The following RAB9B variants were observed in gnomAD, a reference collection of about 807,000 sequenced individuals.
RAB9B encodes ras-related protein Rab-9B.
In RAB9B, 1 loss-of-function variant was observed where a neutral mutation model predicts 8.9. The observed-to-expected ratio is 0.11, with a 90% CI of 0.04 to 0.53. The LOEUF (loss-of-function observed/expected upper bound fraction) is 0.53, where lower values mean the gene tolerates loss of function less well. Among genes scored for constraint, RAB9B ranks in the 20% least tolerant of loss-of-function variants. The pLI is 0.93. For synonymous variants in RAB9B, 63 were observed against 57.0 expected (o/e 1.10, Z -0.47); for missense variants, 82 against 152.9 (o/e 0.54, Z 2.45).
At chrX:103,790,617 C>T in the RAB9B span, 1 of 1,141,440 alleles carries the variant, frequency 8.8e-7, no homozygotes, top group Non-Finnish European at 1.2e-6. Flanking sequence ...AGAAATCCCC[C>T]TTTCTCTAAT....
the RAB9B span, among the ~76,000 whole-genome samples, chrX:103,795,369 G>C: frequency 0.028 from 3,181 of 111,705 alleles, 120 homozygotes; most frequent in African/African-American, 0.098. Context: ...AATGTGGAAA[G>C]TCACCCAGCT....
downstream of RAB9B, among the ~76,000 whole-genome samples, chrX:103,821,721 T>C (rs1474691199): frequency 1.8e-5 from 2 of 112,150 alleles, no homozygotes; most frequent in Non-Finnish European, 3.8e-5. Context: ...ACTCTGTTTA[T>C]ATTTTTTGAT....
At chrX:103,790,274 T>A in the RAB9B span, among the ~76,000 whole-genome samples, 1 of 112,242 alleles carries the variant, frequency 8.9e-6, no homozygotes, top group African/African-American at 3.2e-5. Flanking sequence ...CAAACAGAGG[T>A]GTGGAATAAA....
At chrX:103,821,714 C>G (rs1408087846), downstream of RAB9B, among the ~76,000 whole-genome samples, 2 of 111,771 alleles carry the variant, frequency 1.8e-5, no homozygotes, top group Admixed American at 1.9e-4. Flanking sequence ...TATGTCTACT[C>G]TGTTTATATT....
chrX:103,819,024 CA>C (rs1284863210), downstream of RAB9B, among the ~76,000 whole-genome samples: 1 of 111,050 alleles, frequency 9.0e-6, no homozygotes, highest in Non-Finnish European at 1.9e-5. Flanking sequence ...CTATGTTGAG[CA>C]ATATATTACA....
the RAB9B span, among the ~76,000 whole-genome samples, chrX:103,795,880 A>G: frequency 1.8e-5 from 2 of 112,132 alleles, no homozygotes; most frequent in African/African-American, 6.5e-5. Context: ...GCTTTCCTAA[A>G]AAAAAAATTT....
At chrX:103,786,007 G>A in the RAB9B span, 4 of 445,758 alleles carry the variant, frequency 9.0e-6, no homozygotes, top group Admixed American at 4.7e-5. Context: ...TTTCTTACAC[G>A]TGTTCTGACT....
the RAB9B span, chrX:103,786,064 G>A: frequency 9.5e-7 from 1 of 1,049,699 alleles, no homozygotes; most frequent in Non-Finnish European, 1.2e-6. Flanking sequence ...CTCCAGCGTA[G>A]TAGGTATGGA....
At chrX:103,780,439 CTGTGTGTGTGTG>C in the RAB9B span, among the ~76,000 whole-genome samples, 1 of 102,514 alleles carries the variant, frequency 9.8e-6, no homozygotes, top group Non-Finnish European at 2.0e-5. Flanking sequence ...CTGTCTCTCT[CTGTGTGTGTGTG>C]TGTGTGTGTG....
downstream of RAB9B, among the ~76,000 whole-genome samples, chrX:103,818,260 A>G (rs12847379): frequency 9.0e-6 from 1 of 111,616 alleles, no homozygotes; most frequent in South Asian, 3.8e-4. Flanking sequence ...GCATGAGATC[A>G]TTTTTTCACC....
the RAB9B span, chrX:103,776,966 G>T: frequency 1.7e-6 from 2 of 1,200,885 alleles, no homozygotes; most frequent in South Asian, 3.5e-5. Context: ...CTAGCCAGCC[G>T]GCTACAATTG....
the RAB9B span, among the ~76,000 whole-genome samples, chrX:103,802,912 G>A: frequency 9.0e-6 from 1 of 111,271 alleles, no homozygotes; most frequent in Non-Finnish European, 1.9e-5. Flanking sequence ...CATATAAATA[G>A]CATCATATAC....
chrX:103,795,963 G>A, the RAB9B span, among the ~76,000 whole-genome samples: 1 of 111,993 alleles, frequency 8.9e-6, no homozygotes, highest in Non-Finnish European at 1.9e-5. Context: ...AGGTACCTCA[G>A]GATATATTCT....
At chrX:103,820,354 A>C (rs1254332361), downstream of RAB9B, among the ~76,000 whole-genome samples, 1 of 112,085 alleles carries the variant, frequency 8.9e-6, no homozygotes, top group Non-Finnish European at 1.9e-5. Flanking sequence ...ACTGAGGAAA[A>C]AAAATTGCTG....
At chrX:103,809,383 C>T in the RAB9B span, among the ~76,000 whole-genome samples, 1 of 111,998 alleles carries the variant, frequency 8.9e-6, no homozygotes, top group African/African-American at 3.2e-5. Context: ...TCACCACAAC[C>T]TCCGCCTCCT....
In RAB9B at chrX:103,825,431, G is replaced by C. The variant is rs2074679810; in HGVS notation, c.354C>G (p.Pro118=). The C allele has an allele frequency of 8.3e-7, 1 of 1,211,878 alleles. No homozygotes were observed. Among genetic ancestry groups the C allele is most frequent in the East Asian group, 3.0e-5 (1 of 33,854 alleles). Residue 118 remains proline (P), a synonymous_variant, in exon 3 of 3, where the codon CCC becomes CCG. Transcript: ENST00000243298. ...YADVKDPEHF[P]FVVLGNKVDK... is the part of the protein sequence containing the mutation. The stretch of plus-strand genomic sequence containing the variant: ...CTACCTTGTTACCCAGAACTACAAA[G>C]GGGAAATGCTCAGGGTCCTTCACAT...
chrX:103,825,645 C>T lies in RAB9B; in HGVS notation c.140G>A (p.Arg47Gln), dbSNP rs372399381. The T allele has an allele frequency of 1.3e-5, 16 of 1,208,754 alleles. No individual in the cohort carries two copies. Among genetic ancestry groups the T allele is most frequent in the Non-Finnish European group, 1.7e-5 (15 of 894,509 alleles). ...FHTIGVEFLN[R>Q]DLEVDGRFVT... is the part of the protein sequence containing the mutation. ...AAAGCGTCCATCTACCTCCAGATCT[C>T]GATTTAAGAACTCTACCCCTATGGT... The change falls in exon 3 of 3, where the codon CGA (arginine) becomes CAA (glutamine). Residue 47 changes from arginine (R) to glutamine (Q), a missense_variant. Coordinates refer to ENST00000243298, the MANE Select transcript of RAB9B (RefSeq NM_016370.4).
At chrX:103,799,867 C>T in the RAB9B span, among the ~76,000 whole-genome samples, 1 of 111,264 alleles carries the variant, frequency 9.0e-6, no homozygotes, top group Non-Finnish European at 1.9e-5. Flanking sequence ...ACTGACAATC[C>T]TTGGTGTTCA....
At chrX:103,830,808 A>G (rs1412639219) in intron 1 of RAB9B, among the ~76,000 whole-genome samples, 2 of 111,810 alleles carry the variant, frequency 1.8e-5, no homozygotes, top group Non-Finnish European at 3.8e-5. Context: ...GAGGCAGTAC[A>G]ATGAAGAAAA....
Sources: gnomAD v4.1 joint callset for allele counts (sites outside exome capture counted in the v4.1 genomes callset) on GRCh38, gnomAD v4.1.1 for gene constraint, MANE v1.5 for transcripts, NCBI Gene and HGNC (gene_info 2026-07-23, HGNC 2026-07-21) for gene names.